PSMD9: variants seen among roughly 807,000 people sequenced by gnomAD.
PSMD9 encodes 26S proteasome non-ATPase regulatory subunit 9.
In PSMD9, 26 loss-of-function variants were observed where a neutral mutation model predicts 25.9. The observed-to-expected ratio is 1.00, with a 90% CI of 0.73 to 1.39. The LOEUF is 1.39. Among genes scored for constraint, PSMD9 ranks in the 40% most tolerant of loss-of-function variants. The pLI is 0.00. For synonymous variants in PSMD9, 110 were observed against 114.5 expected (o/e 0.96, Z 0.25); for missense variants, 303 against 299.3 (o/e 1.01, Z -0.09).
At chr12:121,890,806 C>T (rs777418635) in intron 1 of PSMD9, among the ~76,000 whole-genome samples, 20 of 151,894 alleles carry the variant, frequency 1.3e-4, no homozygotes, top group Non-Finnish European at 2.2e-4. Context: ...TTCAAAACTC[C>T]GCTGCATATG....
At chr12:121,901,335 T>G (rs934508634) in intron 3 of PSMD9, among the ~76,000 whole-genome samples, 6 of 152,112 alleles carry the variant, frequency 3.9e-5, no homozygotes, top group Admixed American at 1.3e-4. Context: ...AAGTCATCTG[T>G]ATTGAGCATG....
chr12:121,910,245 C>G (rs1879680767), intron 4 of PSMD9, among the ~76,000 whole-genome samples: 1 of 151,560 alleles, frequency 6.6e-6, no homozygotes, highest in Admixed American at 6.6e-5. Context: ...GCCACCATGC[C>G]CAGCTAATGT....
intron 1 of PSMD9, chr12:121,893,669 A>G (rs1879151415): frequency 6.6e-6 from 1 of 152,258 alleles, no homozygotes; most frequent in South Asian, 2.1e-4. Flanking sequence ...CTCTGCCTGC[A>G]TCTTCATGTG....
At chr12:121,902,951 A>G in intron 3 of PSMD9, 55 bp from the exon 4 acceptor site, 2 of 1,428,916 alleles carry the variant, frequency 1.4e-6, no homozygotes, top group Non-Finnish European at 2.0e-6. Flanking sequence ...GTTAGAGACC[A>G]CCAGGAGCAC....
intron 4 of PSMD9, among the ~76,000 whole-genome samples, chr12:121,912,939 C>CTTT (rs199915628): frequency 3.1e-5 from 4 of 129,316 alleles, no homozygotes; most frequent in South Asian, 2.7e-4. Flanking sequence ...CTTTTCTTTT[C>CTTT]TTTTTTTTTT....
rs1165832224 is a variant in PSMD9 at position 121,899,838 on chromosome 12, G to C, written c.446G>C (p.Ser149Thr). 1.9e-6 allele frequency: 3 copies of C among 1,613,798 alleles called. No individual in the cohort carries two copies. Among genetic ancestry groups the C allele is most frequent in the Non-Finnish European group, 8.5e-7 (1 of 1,179,858 alleles). Residue 149 changes from serine (S) to threonine (T), a missense_variant, in exon 3 of 6, where the codon AGC becomes ACC. Transcript: ENST00000541212. ...AGCATCAGCCCCGGCTCCCCAGCCA[G>C]CATCGCGGTAATCCAGGGGTTGGCC... Reference protein sequence around the residue: ...VNSISPGSPASIAGLQVDDEI... With the variant: ...VNSISPGSPATIAGLQVDDEI...
In PSMD9 at chr12:121,915,913, C is replaced by T. The variant is rs1565897192; in HGVS notation, c.613C>T (p.Pro205Ser). The T allele has an allele frequency of 1.2e-6, 2 of 1,613,778 alleles. No homozygotes were observed. Among genetic ancestry groups the T allele is most frequent in the East Asian group, 2.2e-5 (1 of 44,894 alleles). ...RGEKHQLRLV[P>S]TRWAGKGLLG... The stretch of plus-strand genomic sequence containing the variant: ...GGAAAAACACCAGCTTAGACTTGTT[C>T]CAACACGCTGGGCAGGAAAAGGACT... Residue 205 changes from proline (P) to serine (S), a missense_variant, in exon 5 of 6, where the codon CCA becomes TCA. By Grantham distance (74) the Pro-to-Ser change is moderately conservative. Transcript: ENST00000541212.
intron 1 of PSMD9, among the ~76,000 whole-genome samples, chr12:121,892,440 C>G (rs992075987): frequency 3.2e-4 from 49 of 152,036 alleles, no homozygotes; most frequent in African/African-American, 1.1e-3. Context: ...GTGGCTCATG[C>G]CTGTAATCCC....
intron 2 of PSMD9, among the ~76,000 whole-genome samples, chr12:121,896,982 C>T (rs898496762): frequency 2.2e-5 from 3 of 137,238 alleles, no homozygotes; most frequent in Non-Finnish European, 4.9e-5. Flanking sequence ...TATATACACA[C>T]ATACATGTGT....
chr12:121,888,884 G>A lies in PSMD9; in HGVS notation c.28G>A (p.Gly10Arg), dbSNP rs553548012. Residue 10 changes from glycine (G) to arginine (R), a missense_variant, in exon 1 of 6, where the codon GGA becomes AGA. Gly to Arg is a moderately radical substitution (Grantham distance 125, BLOSUM62 -2). Transcript: ENST00000541212. ...GTCCGACGAGGAAGCGAGGCAGAGC[G>A]GAGGCTCCTCGCAGGCCGGCGTCGT... MSDEEARQS[G>R]GSSQAGVVTV... is the part of the protein sequence containing the mutation. The A allele has an allele frequency of 1.2e-6, 2 of 1,603,454 alleles. No homozygotes were observed. The highest frequency in any genetic ancestry group is 2.2e-5 in the East Asian group (1 of 44,492).
At position 121,894,732 on chromosome 12, in the gene PSMD9, C is replaced by T; in HGVS notation, c.139-7C>T. On this transcript the variant is annotated splice_polypyrimidine_tract_variant and splice_region_variant and intron_variant, in intron 1 of 5. Transcript: ENST00000541212. ...GAGCACCTTTTAACCACGTTTCTTT[C>T]CTCCAGCAAAAAGGCATTGGGATGA... 1 of 1,613,596 alleles carries T rather than the reference C, an allele frequency of 6.2e-7. No individual in the cohort carries two copies. Among genetic ancestry groups the T allele is most frequent in the Non-Finnish European group, 8.5e-7 (1 of 1,179,648 alleles).
chr12:121,889,629 G>A (rs894853869), intron 1 of PSMD9, among the ~76,000 whole-genome samples: 1 of 152,156 alleles, frequency 6.6e-6, no homozygotes, highest in African/African-American at 2.4e-5. Flanking sequence ...TGCATTTGTA[G>A]CAAACTCCCA....
chr12:121,899,916 G>A, intron 3 of PSMD9, 71 bp downstream of exon 3: 3 of 1,541,422 alleles, frequency 1.9e-6, no homozygotes, highest in Middle Eastern at 1.7e-4. Context: ...TCGGGGATGT[G>A]GAAAGACAGA....
Position 121,917,889 on chromosome 12 carries a change from G to T in PSMD9, c.*1578G>T, listed in dbSNP as rs1223156145. On this transcript the variant is annotated 3_prime_UTR_variant, in exon 6 of 6. Transcript: ENST00000541212. Reference sequence around the variant, plus strand: ...TATCCTTTCTTTTTTATTTTAAGATGTATGCATATTAATCAATTTACCATC... The same window carrying T: ...TATCCTTTCTTTTTTATTTTAAGATTTATGCATATTAATCAATTTACCATC... The T allele has an allele frequency of 6.6e-6, 1 of 152,144 alleles. No individual in the cohort carries two copies. Among genetic ancestry groups the T allele is most frequent in the Admixed American group, 6.6e-5 (1 of 15,260 alleles). 9.4% of individuals were successfully genotyped at this position (152,144 alleles called of 1,614,324 possible).
Position 121,899,835 on chromosome 12 carries a change from C to A in PSMD9, c.443C>A (p.Ala148Asp), listed in dbSNP as rs530013451. The change falls in exon 3 of 6, where the codon GCC (alanine) becomes GAC (aspartate). Residue 148 changes from alanine to aspartate, a missense_variant. Ala to Asp is a moderately radical substitution (Grantham distance 126). Transcript: ENST00000541212. ...KVNSISPGSP[A>D]SIAGLQVDDE... The stretch of plus-strand genomic sequence containing the variant: ...AACAGCATCAGCCCCGGCTCCCCAG[C>A]CAGCATCGCGGTAATCCAGGGGTTG... The A allele has an allele frequency of 1.2e-6, 2 of 1,613,902 alleles. No homozygotes were observed. The highest frequency in any genetic ancestry group is 8.5e-7 in the Non-Finnish European group (1 of 1,179,868).
Position 121,915,838 on chromosome 12 carries a change from A to G in PSMD9, c.556-18A>G. The G allele has an allele frequency of 1.9e-6, 3 of 1,603,020 alleles. No individual in the cohort carries two copies. Among genetic ancestry groups the G allele is most frequent in the Non-Finnish European group, 2.6e-6 (3 of 1,172,500 alleles). ...TACTAACGAGGCTGAACACGAAATG[A>G]GCTTATTTTCTTTTCAGAAGCCCCT... is the stretch of plus-strand genomic sequence containing the variant. On this transcript the variant is annotated intron_variant, in intron 4 of 5. Transcript: ENST00000541212.
chr12:121,912,006 C>CTTATTTATTTATTTAT (rs71453586), intron 4 of PSMD9, among the ~76,000 whole-genome samples: 39 of 136,584 alleles, frequency 2.9e-4, no homozygotes, highest in African/African-American at 7.9e-4. Context: ...AATGAGCTTG[C>CTTATTTATTTATTTAT]TTATTTATTT....
At chr12:121,901,706 C>T (rs1195972368) in intron 3 of PSMD9, among the ~76,000 whole-genome samples, 12 of 105,342 alleles carry the variant, frequency 1.1e-4, no homozygotes, top group South Asian at 3.1e-4. Flanking sequence ...GACGGAGTCT[C>T]GCTCTGTCGC....
At chr12:121,906,983 CA>C (rs1879579146) in intron 4 of PSMD9, among the ~76,000 whole-genome samples, 1 of 148,334 alleles carries the variant, frequency 6.7e-6, no homozygotes, top group African/African-American at 2.5e-5. Context: ...AAAAAAAAAC[CA>C]AAAAACTCAC....
Sources: allele counts gnomAD v4.1 joint callset (sites outside exome capture counted in the v4.1 genomes callset), GRCh38; gene constraint gnomAD v4.1.1; transcripts MANE v1.5; gene names NCBI Gene and HGNC (gene_info 2026-07-23, HGNC 2026-07-21).